GPR176: variants seen among roughly 807,000 people sequenced by gnomAD.
The protein encoded by GPR176 is G protein-coupled receptor 176.
GPR176 carries 26 observed loss-of-function variants against 35.4 expected under a neutral mutation model. The observed-to-expected ratio is 0.74, with a 90% CI of 0.54 to 1.02. The LOEUF (loss-of-function observed/expected upper bound fraction) is 1.02. Among genes scored for constraint, GPR176 ranks in the 50% least tolerant of loss-of-function variants. GPR176 has a pLI of 0.00. For missense variants in GPR176, 597 were observed against 665.3 expected (o/e 0.90, Z 1.13); for synonymous variants, 278 against 271.3 (o/e 1.02, Z -0.24).
intron 1 of GPR176, among the ~76,000 whole-genome samples, chr15:39,906,416 A>C (rs890808197): frequency 1.3e-5 from 2 of 152,130 alleles, no homozygotes; most frequent in African/African-American, 4.8e-5. Flanking sequence ...AGGCAGCCAA[A>C]TGTCATGTAT....
intron 1 of GPR176, among the ~76,000 whole-genome samples, chr15:39,856,025 A>G (rs967614940): frequency 3.9e-5 from 6 of 152,332 alleles, no homozygotes; most frequent in African/African-American, 1.4e-4. Context: ...CTTGACCAAT[A>G]TCACCTAGCT....
At chr15:39,844,571 G>C (rs576713570) in intron 1 of GPR176, among the ~76,000 whole-genome samples, 1 of 151,058 alleles carries the variant, frequency 6.6e-6, no homozygotes, top group Non-Finnish European at 1.5e-5. Context: ...CCCCAACCCC[G>C]TCTGCCCCCA....
chr15:39,875,242 T>C (rs1439368175), intron 1 of GPR176, among the ~76,000 whole-genome samples: 1 of 152,152 alleles, frequency 6.6e-6, no homozygotes, highest in Non-Finnish European at 1.5e-5. Context: ...TTCCTAAATA[T>C]GGGAGCCACT....
At chr15:39,815,028 C>G (rs1899805288) in intron 1 of GPR176, 1 of 152,168 alleles carries the variant, frequency 6.6e-6, no homozygotes, top group South Asian at 2.1e-4. Context: ...AATATATGTA[C>G]AGTGCTTAGA....
chr15:39,886,774 GTAA>G (rs2032690279), intron 1 of GPR176, among the ~76,000 whole-genome samples: 1 of 152,208 alleles, frequency 6.6e-6, no homozygotes, highest in African/African-American at 2.4e-5. Context: ...ACCTTCAACT[GTAA>G]TGACAGACCT....
chr15:39,871,899 T>C (rs2032055941), intron 1 of GPR176, among the ~76,000 whole-genome samples: 1 of 152,228 alleles, frequency 6.6e-6, no homozygotes, highest in Non-Finnish European at 1.5e-5. Context: ...TACTGATCCC[T>C]ACTGAGTGAC....
At chr15:39,837,088 T>C (rs572088203) in intron 1 of GPR176, among the ~76,000 whole-genome samples, 1 of 152,288 alleles carries the variant, frequency 6.6e-6, no homozygotes, top group East Asian at 1.9e-4. Context: ...GTTATCAGTC[T>C]AGGGAAGGAC....
chr15:39,860,531 C>T (rs186523020), intron 1 of GPR176, among the ~76,000 whole-genome samples: 2 of 152,316 alleles, frequency 1.3e-5, no homozygotes, highest in African/African-American at 4.8e-5. Flanking sequence ...TCTACTCCCT[C>T]TGTTAGCTGT....
At chr15:39,844,171 C>T (rs1178520064) in intron 1 of GPR176, among the ~76,000 whole-genome samples, 1 of 152,110 alleles carries the variant, frequency 6.6e-6, no homozygotes, top group Non-Finnish European at 1.5e-5. Flanking sequence ...ATCCTCCGGA[C>T]ATCACCACAA....
intron 1 of GPR176, among the ~76,000 whole-genome samples, chr15:39,888,669 T>A (rs374965208): frequency 6.6e-6 from 1 of 152,300 alleles, no homozygotes; most frequent in East Asian, 1.9e-4. Context: ...AGAACATTTT[T>A]TTTCTTCCCC....
chr15:39,872,919 G>C (rs1340157760), intron 1 of GPR176, among the ~76,000 whole-genome samples: 2 of 7,456 alleles, frequency 2.7e-4, no homozygotes, highest in East Asian at 5.7e-3. Context: ...ATCTGTGTGT[G>C]TGTGTGTGTG....
At chr15:39,894,108 G>A (rs1247718580) in intron 1 of GPR176, among the ~76,000 whole-genome samples, 6 of 90,170 alleles carry the variant, frequency 6.7e-5, no homozygotes, top group Non-Finnish European at 1.2e-4. Context: ...CCTCCCTCCC[G>A]GACGGGGCGG....
rs1898896002 is a variant in GPR176, at chr15:39,801,879, G to A, written c.801C>T (p.Thr267=). The change falls in exon 3 of 3, where the codon ACC becomes ACT. Residue 267 remains threonine, a synonymous_variant. Transcript: ENST00000561100. The part of the protein sequence containing the change: ...ASQREAELHA[T]LLSMVMVFIL... ...TGAAGACCATCACCATGGAGAGCAG[G>A]GTGGCGTGCAGCTCGGCCTCCCGCT... 3 of 1,613,956 alleles carry A rather than the reference G, an allele frequency of 1.9e-6. No individual in the cohort carries two copies. In the South Asian group the frequency reaches 3.3e-5, roughly 18 times the overall value.
At chr15:39,832,654 AACACACACACACACAC>A (rs112693906) in intron 1 of GPR176, among the ~76,000 whole-genome samples, 1 of 145,126 alleles carries the variant, frequency 6.9e-6, no homozygotes, top group African/African-American at 2.5e-5. Flanking sequence ...TGATGAGCTA[AACACACACACACACAC>A]ACACACACAC....
At position 39,815,617 on chromosome 15, in the gene GPR176, G is replaced by C. The variant is rs114567180; in HGVS notation, c.173-8359C>G. Among the ~76,000 whole-genome samples, 1,009 of 152,260 alleles carry C rather than the reference G, an allele frequency of 6.6e-3. 3 individuals are homozygous for C. The highest frequency in any genetic ancestry group is 0.023 in the African/African-American group (971 of 41,542). On this transcript the variant is annotated intron_variant, in intron 1 of 2. Transcript: ENST00000561100. ...CTCAAAGCAAACATGAAACATCTCA[G>C]ATTAAGGATATCCCTTCTCCAGATA... is the stretch of plus-strand genomic sequence containing the variant.
At chr15:39,861,695 A>T (rs1353737392) in intron 1 of GPR176, among the ~76,000 whole-genome samples, 3 of 152,224 alleles carry the variant, frequency 2.0e-5, no homozygotes, top group Non-Finnish European at 4.4e-5. Flanking sequence ...TGACATAAAC[A>T]GTGTGCCCAG....
At position 39,895,577 on chromosome 15, in the gene GPR176, G is replaced by A. The variant is rs187358383; in HGVS notation, c.172+24278C>T. ...ATAAACATATTTACTTTAAAAGGCA[G>A]TTTTCAAAAAGAGAACATTAGGCTA... On this transcript the variant is annotated intron_variant, in intron 1 of 2. Coordinates refer to ENST00000561100, the MANE Select transcript of GPR176 (RefSeq NM_007223.3). 2.4e-4 allele frequency among the ~76,000 whole-genome samples: 37 copies of A among 152,104 alleles called. 2 individuals carry two copies. The East Asian group carries it at 7.1e-3, about 29-fold the overall frequency.
intron 1 of GPR176, among the ~76,000 whole-genome samples, chr15:39,819,153 C>T (rs376254196): frequency 9.8e-5 from 15 of 152,330 alleles, no homozygotes; most frequent in African/African-American, 3.1e-4. Context: ...TAAGCATGCT[C>T]CCTTTGGACC....
intron 1 of GPR176, among the ~76,000 whole-genome samples, chr15:39,899,943 C>T (rs923840395): frequency 4.6e-5 from 7 of 152,010 alleles, no homozygotes; most frequent in East Asian, 1.9e-4. Flanking sequence ...GATTTCCAAC[C>T]TTCTCTTCCT....
Sources: allele counts gnomAD v4.1 joint callset (sites outside exome capture counted in the v4.1 genomes callset), GRCh38; gene constraint gnomAD v4.1.1; transcripts MANE v1.5; gene names NCBI Gene and HGNC (gene_info 2026-07-23, HGNC 2026-07-21).